Variants in UNC13B observed in about 807,000 individuals in gnomAD.
UNC13B encodes protein unc-13 homolog B.
UNC13B carries 144 observed loss-of-function variants against 211.0 expected under a neutral mutation model. That is an observed-to-expected ratio of 0.68 (90% CI 0.60 to 0.78). The LOEUF (loss-of-function observed/expected upper bound fraction) is 0.78, where lower values mean the gene tolerates loss of function less well. UNC13B is among the 30% of genes least tolerant of loss of function. The pLI, the probability that UNC13B is intolerant of heterozygous loss-of-function variation, is 0.00. For synonymous variants in UNC13B, 709 were observed against 725.8 expected (o/e 0.98, Z 0.37); for missense variants, 1,777 against 2,002.0 (o/e 0.89, Z 2.14).
In UNC13B at chr9:35,302,949, T is replaced by A; in HGVS notation, c.3545T>A (p.Leu1182Ter). Residue 1182 changes from leucine (L) to a stop codon, truncating the protein, a stop_gained, in exon 9 of 40, where the codon TTA (leucine) becomes TAA (stop). Coordinates refer to ENST00000635942, the MANE Select transcript of UNC13B (RefSeq NM_001371189.2). LOFTEE classifies it high-confidence loss of function. ...CATCACAAGAATAATACCCCAGGTT[T>A]AATCTCTGGAATATTTAACCTGCTA... ...DSHHKNNTPG[L>*]ISGIFNLLSN... 2.5e-6 allele frequency: 1 copy of A among 398,748 alleles called. No individual in the cohort carries two copies. Among genetic ancestry groups the A allele is most frequent in the East Asian group, 3.6e-5 (1 of 28,068 alleles). 24.7% of individuals were successfully genotyped at this position (398,748 alleles called of 1,614,324 possible).
intron 1 of UNC13B, among the ~76,000 whole-genome samples, chr9:35,203,208 G>C (rs185085628): frequency 2.0e-5 from 3 of 152,142 alleles, no homozygotes; most frequent in African/African-American, 7.2e-5. Flanking sequence ...TATGATGTTA[G>C]CTGGTTGTTT....
intron 1 of UNC13B, among the ~76,000 whole-genome samples, chr9:35,194,190 T>C (rs917859684): frequency 1.3e-5 from 2 of 152,292 alleles, no homozygotes; most frequent in African/African-American, 4.8e-5. Flanking sequence ...CAAAGACGCC[T>C]TCCCTTGAGC....
At chr9:35,253,287 A>G (rs1274183465) in intron 6 of UNC13B, among the ~76,000 whole-genome samples, 1 of 152,088 alleles carries the variant, frequency 6.6e-6, no homozygotes, top group Non-Finnish European at 1.5e-5. Context: ...GACTACAGGC[A>G]CACATCACCG....
At chr9:35,183,371 C>T (rs1223849831) in intron 1 of UNC13B, among the ~76,000 whole-genome samples, 9 of 136,050 alleles carry the variant, frequency 6.6e-5, no homozygotes, top group South Asian at 2.4e-4. Context: ...CGGGCAGAGG[C>T]GCTCCTCACC....
chr9:35,368,906 T>C lies in UNC13B; in HGVS notation c.9462-1412T>C, dbSNP rs544205840. The stretch of plus-strand genomic sequence containing the variant: ...CATCAGTTGCTTCTTCAGTGATCTT[T>C]AGTTTTTTTCTTCTAATAATTGTAA... On this transcript the variant is annotated intron_variant, in intron 12 of 39. Transcript: ENST00000635942. Among the ~76,000 whole-genome samples the C allele has an allele frequency of 1.2e-4, 19 of 152,342 alleles. No homozygotes were observed. The East Asian group carries it at 3.7e-3, about 29-fold the overall frequency.
chr9:35,374,511 C>A (rs185222710), intron 13 of UNC13B, among the ~76,000 whole-genome samples: 1 of 112,126 alleles, frequency 8.9e-6, no homozygotes, highest in Non-Finnish European at 1.8e-5. Context: ...TACATGGGGC[C>A]CCCTATGCAA....
At chr9:35,340,537 G>C (rs1025523849) in intron 11 of UNC13B, among the ~76,000 whole-genome samples, 1 of 152,194 alleles carries the variant, frequency 6.6e-6, no homozygotes, top group South Asian at 2.1e-4. Flanking sequence ...CTGACTACCT[G>C]GTTTGTGGGC....
chr9:35,207,997 CAT>C (rs1823759264), intron 1 of UNC13B, among the ~76,000 whole-genome samples: 2 of 152,112 alleles, frequency 1.3e-5, no homozygotes, highest in African/African-American at 4.8e-5. Context: ...TTTTGTATGT[CAT>C]GTGAGGTTTT....
rs910211063 is a variant in UNC13B at position 35,162,201 on chromosome 9, A to G, written c.-83A>G. 6.5e-7 allele frequency: 1 copy of G among 1,535,512 alleles called. No homozygotes were observed. The highest frequency in any genetic ancestry group is 8.8e-7 in the Non-Finnish European group (1 of 1,142,542). ...CCAGACCCGTGGGGCCGGTAACGAG[A>G]GCAGTCGCGGCACCTGCTGAGAGGA... On this transcript the variant is annotated 5_prime_UTR_variant, in exon 1 of 40. Coordinates refer to ENST00000635942, the MANE Select transcript of UNC13B (RefSeq NM_001371189.2).
In UNC13B at chr9:35,305,329, T is replaced by C. The variant is rs984924109; in HGVS notation, c.5925T>C (p.Ser1975=). 9 of 398,796 alleles carry C rather than the reference T, an allele frequency of 2.3e-5. No individual in the cohort carries two copies. The highest frequency in any genetic ancestry group is 1.9e-4 in the African/African-American group (9 of 48,618). 24.7% of individuals were successfully genotyped at this position (398,796 alleles called of 1,614,324 possible). A position where few individuals can be genotyped will look rare whatever the true frequency, so the allele number is the denominator to read the frequency against. The change falls in exon 9 of 40, where the codon TCT becomes TCC. Residue 1975 remains serine (S), a synonymous_variant. Coordinates refer to ENST00000635942, the MANE Select transcript of UNC13B (RefSeq NM_001371189.2). The stretch of plus-strand genomic sequence containing the variant: ...TACCACCTCAAGAAAAGAAAGAATC[T>C]TCTGGTGTTTCAAATTTTTGGGGTA... The part of the protein sequence containing the change: ...VKIPPQEKKE[S]SGVSNFWGTL...
intron 2 of UNC13B, among the ~76,000 whole-genome samples, chr9:35,228,322 T>C (rs1342987152): frequency 2.0e-5 from 3 of 152,172 alleles, no homozygotes; most frequent in East Asian, 1.9e-4. Context: ...AGGATAAATA[T>C]TGACAATTAG....
chr9:35,329,215 G>T (rs1046290896), intron 11 of UNC13B, among the ~76,000 whole-genome samples: 1 of 152,080 alleles, frequency 6.6e-6, no homozygotes, highest in Non-Finnish European at 1.5e-5. Flanking sequence ...CTTCCCCAGG[G>T]GTTGGATACC....
At position 35,404,484 on chromosome 9, in the gene UNC13B, G is replaced by A. The variant is rs555681799; in HGVS notation, c.*451G>A. 2.1e-4 allele frequency: 42 copies of A among 195,478 alleles called. No homozygotes were observed. The highest frequency in any genetic ancestry group is 6.3e-4 in the Admixed American group (12 of 18,976). 12.1% of individuals were successfully genotyped at this position (195,478 alleles called of 1,614,324 possible). ...GTCAGCTGAGCCTGTTGCTGAGCCCGGTGGTCTGGATTGGAGTATGGCCAG... is the reference window on the plus strand; with the variant it reads ...GTCAGCTGAGCCTGTTGCTGAGCCCAGTGGTCTGGATTGGAGTATGGCCAG... On this transcript the variant is annotated 3_prime_UTR_variant, in exon 40 of 40. Transcript: ENST00000635942.
chr9:35,188,204 A>G (rs1280443794), intron 1 of UNC13B, among the ~76,000 whole-genome samples: 2 of 152,180 alleles, frequency 1.3e-5, no homozygotes, highest in Non-Finnish European at 2.9e-5. Flanking sequence ...CCGTGTTACA[A>G]TCTTTAAAGC....
chr9:35,279,428 T>C (rs1828361618), intron 7 of UNC13B, among the ~76,000 whole-genome samples: 1 of 152,230 alleles, frequency 6.6e-6, no homozygotes, highest in African/African-American at 2.4e-5. Flanking sequence ...CCATATTTTG[T>C]TTATCCATTC....
At chr9:35,296,039 A>G in intron 8 of UNC13B, 109 bp downstream of exon 8, 1 of 1,001,342 alleles carries the variant, frequency 1.0e-6, no homozygotes, top group Non-Finnish European at 1.5e-6. Context: ...TAAGTGTAGC[A>G]GTATCACCGG....
At chr9:35,252,627 C>A (rs1304923636) in intron 6 of UNC13B, among the ~76,000 whole-genome samples, 2 of 150,894 alleles carry the variant, frequency 1.3e-5, no homozygotes, top group African/African-American at 4.9e-5. Flanking sequence ...ATTATATTAT[C>A]CCTTCAGCAT....
intron 7 of UNC13B, among the ~76,000 whole-genome samples, chr9:35,293,185 A>G (rs1403765435): frequency 1.3e-5 from 2 of 151,960 alleles, no homozygotes; most frequent in Non-Finnish European, 2.9e-5. Context: ...TCTTCTTTCC[A>G]TGGATGCTTT....
intron 11 of UNC13B, among the ~76,000 whole-genome samples, chr9:35,348,169 G>A (rs927161733): frequency 3.9e-5 from 6 of 152,174 alleles, no homozygotes; most frequent in African/African-American, 1.4e-4. Context: ...GGTTAGCCTG[G>A]TCTACACTGA....
Sources: gnomAD v4.1 joint callset for allele counts (sites outside exome capture counted in the v4.1 genomes callset) on GRCh38, gnomAD v4.1.1 for gene constraint, MANE v1.5 for transcripts, NCBI Gene and HGNC (gene_info 2026-07-23, HGNC 2026-07-21) for gene names.